Variants in SHOC2 observed in about 807,000 individuals in gnomAD.
SHOC2 encodes the protein leucine-rich repeat protein SHOC-2.
A neutral mutation model predicts 50.2 loss-of-function variants in SHOC2; 4 were observed. The observed-to-expected ratio is 0.08, with a 90% CI of 0.04 to 0.18. The LOEUF (loss-of-function observed/expected upper bound fraction) is 0.18. Among genes scored for constraint, SHOC2 ranks in the 10% least tolerant of loss-of-function variants. The probability of loss-of-function intolerance (pLI) is 1.00; values close to 1 mark genes in which losing one functional copy is unlikely to be tolerated. For missense variants in SHOC2, 388 were observed against 669.6 expected (o/e 0.58, Z 4.64); for synonymous variants, 218 against 244.5 (o/e 0.89, Z 1.01).
chr10:110,988,953 G>A (rs764788616), intron 3 of SHOC2: 2 of 514,014 alleles, frequency 3.9e-6, no homozygotes, highest in South Asian at 2.9e-5. Context: ...AAGCAATCGC[G>A]GTTTTTGCTA....
intron 4 of SHOC2, 87 bp downstream of exon 4, chr10:111,000,632 A>AT: frequency 8.3e-7 from 1 of 1,207,994 alleles, no homozygotes; most frequent in Admixed American, 1.9e-5. Flanking sequence ...AGCAGGGTAA[A>AT]TAATTTGGTG....
At chr10:110,920,064 T>TG (rs1297176470) in intron 1 of SHOC2, 1 of 149,950 alleles carries the variant, frequency 6.7e-6, no homozygotes, top group Non-Finnish European at 1.5e-5. Flanking sequence ...CTCGGCTCCC[T>TG]GGGCCCCCGG....
intron 2 of SHOC2, among the ~76,000 whole-genome samples, chr10:110,978,272 G>GGT (rs1372700996): frequency 6.6e-6 from 1 of 152,118 alleles, no homozygotes; most frequent in African/African-American, 2.4e-5. Context: ...GCATCATGGT[G>GGT]GTAAATAGAA....
chr10:110,949,871 A>G (rs1037396176), intron 1 of SHOC2, among the ~76,000 whole-genome samples: 3 of 152,176 alleles, frequency 2.0e-5, no homozygotes, highest in Admixed American at 1.3e-4. Context: ...ACATTTGACA[A>G]GATTATCACT....
At chr10:110,982,465 C>A (rs1461769665) in intron 2 of SHOC2, among the ~76,000 whole-genome samples, 1 of 152,096 alleles carries the variant, frequency 6.6e-6, no homozygotes, top group Non-Finnish European at 1.5e-5. Context: ...AGTTTACAGT[C>A]CCACCAACAG....
intron 8 of SHOC2, among the ~76,000 whole-genome samples, chr10:111,010,282 T>A (rs1042225894): frequency 6.6e-6 from 1 of 152,226 alleles, no homozygotes; most frequent in Non-Finnish European, 1.5e-5. Flanking sequence ...TTATGTAATA[T>A]ACATGACCAC....
Position 110,975,907 on chromosome 10 carries a change from CTCT to C in SHOC2, c.704-9713_704-9711del, listed in dbSNP as rs537662628. On this transcript the variant is annotated intron_variant, in intron 2 of 8. Transcript: ENST00000369452. ...ATTTTAGCACTCGTTGCTGGATCTT[CTCT>C]TCTTCTTTTTTTTTTGTGAGATGGA... 6.1e-3 allele frequency among the ~76,000 whole-genome samples: 919 copies of C among 149,718 alleles called. 10 individuals carry two copies. Among genetic ancestry groups the C allele is most frequent in the African/African-American group, 0.022 (876 of 39,906 alleles).
chr10:111,000,332 A>C (rs1014322743), intron 3 of SHOC2, 83 bp from the exon 4 acceptor site: 2 of 1,382,224 alleles, frequency 1.4e-6, no homozygotes, highest in African/African-American at 2.8e-5. Flanking sequence ...GTAATTTGTA[A>C]ATAGTTAGTA....
intron 3 of SHOC2, among the ~76,000 whole-genome samples, chr10:110,996,260 G>C (rs1848265515): frequency 6.6e-6 from 1 of 152,202 alleles, no homozygotes; most frequent in Admixed American, 6.5e-5. Context: ...CAGGTGCAGT[G>C]GCTCACGCCT....
In SHOC2 at chr10:110,964,631, T is replaced by A; in HGVS notation, c.273T>A (p.Ile91=). ...TRKKSSNAEV[I]KELNKCREEN... ...AAAAATCCAGCAATGCAGAGGTGAT[T>A]AAAGAGCTCAACAAATGCCGGGAAG... Residue 91 remains isoleucine (I), a synonymous_variant, in exon 2 of 9, where the codon ATT becomes ATA. Transcript: ENST00000369452. This position sits in a 1 kb window ranked among gnomAD's most constrained non-coding sequence, Gnocchi z 4.9. 1 of 1,614,092 alleles carries A rather than the reference T, an allele frequency of 6.2e-7. No homozygotes were observed. The highest frequency in any genetic ancestry group is 8.5e-7 in the Non-Finnish European group (1 of 1,179,992).
intron 1 of SHOC2, among the ~76,000 whole-genome samples, chr10:110,959,468 C>G: frequency 6.6e-6 from 1 of 152,192 alleles, no homozygotes; most frequent in East Asian, 1.9e-4. Context: ...TAGCATTTCT[C>G]TAAACATTGA....
chr10:110,956,522 C>G (rs1457228308), intron 1 of SHOC2, among the ~76,000 whole-genome samples: 1 of 152,194 alleles, frequency 6.6e-6, no homozygotes, highest in Non-Finnish European at 1.5e-5. Flanking sequence ...GCCTAATGTC[C>G]TGTGATACTT....
At chr10:110,933,137 A>G (rs901830649) in intron 1 of SHOC2, among the ~76,000 whole-genome samples, 13 of 152,152 alleles carry the variant, frequency 8.5e-5, no homozygotes, top group African/African-American at 2.4e-4. Flanking sequence ...CTTTGTAGGT[A>G]AAGTTTTAAT....
In SHOC2 at chr10:110,971,780, C is replaced by A. The variant is rs770984403; in HGVS notation, c.703+6719C>A. On this transcript the variant is annotated intron_variant, in intron 2 of 8. Transcript: ENST00000369452. The stretch of plus-strand genomic sequence containing the variant: ...CCTCCTTAAATTTACATTTAAGAAT[C>A]AGCATTTTAAAAATTACCTATTTGA... Among the ~76,000 whole-genome samples, 38 of 152,006 alleles carry A rather than the reference C, an allele frequency of 2.5e-4. 1 individual carries two copies. Among genetic ancestry groups the A allele is most frequent in the Non-Finnish European group, 5.4e-4 (37 of 67,956 alleles).
chr10:110,983,546 T>A (rs1848022923), intron 2 of SHOC2, among the ~76,000 whole-genome samples: 1 of 152,200 alleles, frequency 6.6e-6, no homozygotes, highest in South Asian at 2.1e-4. Context: ...ATTTTAGCCA[T>A]TTTTACTTGT....
chr10:110,924,424 G>A (rs1590771379), intron 1 of SHOC2, among the ~76,000 whole-genome samples: 1 of 152,314 alleles, frequency 6.6e-6, no homozygotes, highest in East Asian at 1.9e-4. Context: ...AAGTAGGATA[G>A]GGGAGGGTAA....
At chr10:111,009,420 T>A (rs752575830) in intron 7 of SHOC2, 35 bp downstream of exon 7, 3 of 1,557,854 alleles carry the variant, frequency 1.9e-6, no homozygotes, top group South Asian at 1.1e-5. Context: ...TTTTATAAAG[T>A]TTTTGGAATC....
At chr10:110,979,685 T>C (rs925118186) in intron 2 of SHOC2, among the ~76,000 whole-genome samples, 1 of 152,228 alleles carries the variant, frequency 6.6e-6, no homozygotes, top group African/African-American at 2.4e-5. Context: ...TGTTCTACCA[T>C]GATAACATTT....
intron 1 of SHOC2, chr10:110,951,499 A>T (rs1847351197): frequency 6.6e-6 from 1 of 152,200 alleles, no homozygotes; most frequent in Non-Finnish European, 1.5e-5. Context: ...TTAAAAAGAG[A>T]ACTACCATAT....
Sources: gnomAD v4.1 joint callset for allele counts (sites outside exome capture counted in the v4.1 genomes callset) on GRCh38, gnomAD v4.1.1 for gene constraint, Gnocchi (gnomAD v3.1) non-coding constraint, MANE v1.5 for transcripts, NCBI Gene and HGNC (gene_info 2026-07-23, HGNC 2026-07-21) for gene names.